CUX1: variants seen among roughly 807,000 people sequenced by gnomAD.
The protein encoded by CUX1 is cut like homeobox 1, also known as protein CASP.
In CUX1, 31 loss-of-function variants were observed where a neutral mutation model predicts 158.8. That is an observed-to-expected ratio of 0.20 (90% CI 0.15 to 0.26). The LOEUF is 0.26. CUX1 is among the 10% of genes least tolerant of loss of function. CUX1 has a pLI of 1.00. For missense variants in CUX1, 1,589 were observed against 2,014.6 expected, an observed-to-expected ratio of 0.79 and a Z score of 4.04; for synonymous variants, 879 against 862.1, an observed-to-expected ratio of 1.02 and a Z score of -0.34.
chr7:102,221,198 C>T (rs999652099), intron 20 of CUX1, among the ~76,000 whole-genome samples: 3 of 152,226 alleles, frequency 2.0e-5, no homozygotes, highest in Non-Finnish European at 2.9e-5. Context: ...TCAGACCAGC[C>T]GCCAGTTAAA....
rs1798411403 is a variant in CUX1 at position 102,227,084 on chromosome 7, AGG to A, written c.3131-282_3131-281del. 3.3e-5 allele frequency among the ~76,000 whole-genome samples: 5 copies of A among 152,326 alleles called. No homozygotes were observed. The South Asian group carries it at 1.0e-3, about 32-fold the overall frequency. On this transcript the variant is annotated intron_variant, in intron 20 of 23. Coordinates refer to ENST00000292535, the MANE Select transcript of CUX1 (RefSeq NM_181552.4). ...AAATGACAGCGATAACATGATTAAT[AGG>A]AGTTTTTTTAGCAGAATGCCCTCAT... is the stretch of plus-strand genomic sequence containing the variant.
At chr7:102,183,812 A>T (rs1490882416) in intron 11 of CUX1, among the ~76,000 whole-genome samples, 1 of 152,234 alleles carries the variant, frequency 6.6e-6, no homozygotes, top group African/African-American at 2.4e-5. Context: ...TATGGAAAAG[A>T]GATATTGTCA....
At chr7:102,271,299 T>C (rs543503243) in intron 14 of CUX1, among the ~76,000 whole-genome samples, 7 of 152,290 alleles carry the variant, frequency 4.6e-5, no homozygotes, top group African/African-American at 1.7e-4. Flanking sequence ...GCACGGTTCT[T>C]GGATGTGCTC....
chr7:101,894,373 G>A (rs1801230953), intron 1 of CUX1, among the ~76,000 whole-genome samples: 9 of 152,244 alleles, frequency 5.9e-5, no homozygotes, highest in African/African-American at 2.4e-5. Flanking sequence ...GAGTGCAGCG[G>A]CACGATCTCG....
chr7:102,157,433 G>A (rs1789898201), intron 8 of CUX1, among the ~76,000 whole-genome samples: 1 of 152,166 alleles, frequency 6.6e-6, no homozygotes, highest in African/African-American at 2.4e-5. Context: ...GTCTGCCCGG[G>A]TGTGCTGCTC....
intron 2 of CUX1, among the ~76,000 whole-genome samples, chr7:101,917,974 A>G (rs186157888): frequency 5.8e-4 from 89 of 152,350 alleles, no homozygotes; most frequent in African/African-American, 2.0e-3. Context: ...TCTCTGTTAT[A>G]AAAGGTAAAA....
rs146237420 is a variant in CUX1 at position 101,834,653 on chromosome 7, A to G, written c.30+16984A>G. Reference sequence around the variant, plus strand: ...TGCAGAGAGCAGTTCTTTTGATACAATACCTCCGTCCCGTAACTTTTTTTT... The same window carrying G: ...TGCAGAGAGCAGTTCTTTTGATACAGTACCTCCGTCCCGTAACTTTTTTTT... On this transcript the variant is annotated intron_variant, in intron 1 of 23. Transcript: ENST00000292535. 3.3e-5 allele frequency among the ~76,000 whole-genome samples: 5 copies of G among 152,264 alleles called. No individual in the cohort carries two copies. The East Asian group carries it at 9.6e-4, about 29-fold the overall frequency.
intron 19 of CUX1, 65 bp from the exon 20 acceptor site, chr7:102,205,049 C>A: frequency 8.5e-7 from 1 of 1,172,138 alleles, no homozygotes; most frequent in South Asian, 1.2e-5. Flanking sequence ...TTGCCACATT[C>A]AGTTAGGAAG....
In CUX1 at chr7:102,170,489, A is replaced by G; in HGVS notation, c.767A>G (p.Gln256Arg). The G allele has an allele frequency of 1.3e-6, 2 of 1,594,138 alleles. No individual in the cohort carries two copies. The highest frequency in any genetic ancestry group is 2.3e-5 in the South Asian group (2 of 87,496). ...AQREAETLREQLSSANHSLQL... is the reference protein window; with the variant it reads ...AQREAETLRERLSSANHSLQL... Reference sequence around the variant, plus strand: ...AGAGAGGCGGAGACCTTAAGGGAACAGCTCTCATCGGCCAATCACTCCCTC... The same window carrying G: ...AGAGAGGCGGAGACCTTAAGGGAACGGCTCTCATCGGCCAATCACTCCCTC... The change falls in exon 10 of 24, where the codon CAG becomes CGG. Residue 256 changes from glutamine (Q) to arginine (R), a missense_variant. By Grantham distance (43) the Gln-to-Arg change is conservative. This residue lies in a region of CUX1 where 515 missense variants were observed against 574.4 expected (regional missense o/e 0.90). Coordinates refer to ENST00000292535, the MANE Select transcript of CUX1 (RefSeq NM_181552.4).
chr7:102,216,660 C>T (rs1330311117), intron 20 of CUX1, among the ~76,000 whole-genome samples: 1 of 56,308 alleles, frequency 1.8e-5, no homozygotes, highest in Non-Finnish European at 4.1e-5. Context: ...CACACTCTCC[C>T]ACACACACTC....
intron 14 of CUX1, among the ~76,000 whole-genome samples, chr7:102,196,238 G>T (rs1486272925): frequency 1.3e-5 from 2 of 152,198 alleles, no homozygotes; most frequent in African/African-American, 4.8e-5. Context: ...AGGTGCGAGC[G>T]AATCCATTGG....
chr7:101,953,738 C>T (rs780261344), intron 2 of CUX1, among the ~76,000 whole-genome samples: 16 of 151,678 alleles, frequency 1.1e-4, no homozygotes, highest in African/African-American at 1.7e-4. Flanking sequence ...TCGGGCCTGG[C>T]GATGTCTGTT....
chr7:101,984,091 TA>T (rs757986935), intron 2 of CUX1, among the ~76,000 whole-genome samples: 1,576 of 44,328 alleles, frequency 0.036, 242 homozygotes, highest in Admixed American at 0.076. Flanking sequence ...AAAAAAAAAA[TA>T]TATATATATA....
At chr7:102,205,487 G>A (rs1795857707) in intron 20 of CUX1, among the ~76,000 whole-genome samples, 1 of 152,194 alleles carries the variant, frequency 6.6e-6, no homozygotes, top group Non-Finnish European at 1.5e-5. Context: ...CGTCTGATAG[G>A]AAGGGATAAA....
At chr7:102,218,967 C>G (rs1216916598) in intron 20 of CUX1, among the ~76,000 whole-genome samples, 1 of 148,306 alleles carries the variant, frequency 6.7e-6, no homozygotes, top group Non-Finnish European at 1.5e-5. Flanking sequence ...GTGGGAAGAT[C>G]ACTTGAGCCC....
At chr7:102,015,571 A>G (rs867981153) in intron 2 of CUX1, among the ~76,000 whole-genome samples, 4 of 152,200 alleles carry the variant, frequency 2.6e-5, no homozygotes, top group South Asian at 4.1e-4. Flanking sequence ...AAGAAAAACC[A>G]TAATTGTGTT....
chr7:102,278,401 C>A (rs1365515473), intron 18 of CUX1, among the ~76,000 whole-genome samples: 1 of 151,920 alleles, frequency 6.6e-6, no homozygotes, highest in African/African-American at 2.4e-5. Flanking sequence ...ACCAGCCTGG[C>A]CAATATGGTG....
chr7:101,994,526 A>T (rs942601613), intron 2 of CUX1, among the ~76,000 whole-genome samples: 1 of 152,172 alleles, frequency 6.6e-6, no homozygotes, highest in Admixed American at 6.5e-5. Context: ...GCTTAAACCC[A>T]GGAGGTGGAG....
At chr7:102,087,440 C>T (rs992296706) in intron 4 of CUX1, among the ~76,000 whole-genome samples, 6 of 152,052 alleles carry the variant, frequency 3.9e-5, no homozygotes, top group East Asian at 1.9e-4. Context: ...ATTAGCTGGG[C>T]GTGGTGGCAC....
Sources: gnomAD v4.1 joint callset for allele counts (sites outside exome capture counted in the v4.1 genomes callset) on GRCh38, gnomAD v4.1.1 for gene constraint, gnomAD v4.1.1 regional missense constraint, MANE v1.5 for transcripts, NCBI Gene and HGNC (gene_info 2026-07-23, HGNC 2026-07-21) for gene names.